Variants in EYS observed in about 807,000 individuals in gnomAD.
The protein encoded by EYS is EGF-like photoreceptor maintenance factor.
Under a neutral mutation model 282.1 loss-of-function variants are expected in EYS, and 250 were observed. The observed-to-expected ratio is 0.89, with a 90% confidence interval of 0.80 to 0.98. The LOEUF is 0.98. Ranked by LOEUF, EYS falls within the 50% of genes least tolerant of loss-of-function variation. The probability of loss-of-function intolerance (pLI) is 0.00; values close to 1 mark genes in which losing one functional copy is unlikely to be tolerated. For synonymous variants in EYS, 1,355 were observed against 1,282.9 expected (o/e 1.06, Z -1.20); for missense variants, 4,016 against 3,709.0 (o/e 1.08, Z -2.15).
chr6:65,539,853 G>A (rs1425492497), intron 2 of EYS, among the ~76,000 whole-genome samples: 1 of 152,112 alleles, frequency 6.6e-6, no homozygotes, highest in African/African-American at 2.4e-5. Flanking sequence ...CTGAAGTATA[G>A]TCCTTCAAAC....
At chr6:64,256,707 A>G (rs1319231276) in intron 30 of EYS, among the ~76,000 whole-genome samples, 1 of 152,040 alleles carries the variant, frequency 6.6e-6, no homozygotes, top group African/African-American at 2.4e-5. Flanking sequence ...TCAATAGCAA[A>G]AGTAGTAATT....
At chr6:65,387,869 T>G (rs1765860882) in intron 7 of EYS, among the ~76,000 whole-genome samples, 1 of 152,054 alleles carries the variant, frequency 6.6e-6, no homozygotes, top group Non-Finnish European at 1.5e-5. Context: ...TTCACATTTG[T>G]CTCTTTGGTT....
chr6:65,606,567 A>C (rs1907016), intron 2 of EYS, among the ~76,000 whole-genome samples: 1 of 151,644 alleles, frequency 6.6e-6, no homozygotes, highest in Admixed American at 6.6e-5. Flanking sequence ...ATTTTGGACA[A>C]TGACAATCGT....
At chr6:64,736,183 C>T (rs1772176915) in intron 22 of EYS, among the ~76,000 whole-genome samples, 1 of 152,022 alleles carries the variant, frequency 6.6e-6, no homozygotes, top group Non-Finnish European at 1.5e-5. Flanking sequence ...AAACATTCCA[C>T]ACTGGATTTG....
intron 22 of EYS, among the ~76,000 whole-genome samples, chr6:64,782,586 G>A (rs924902148): frequency 1.3e-5 from 2 of 152,028 alleles, no homozygotes; most frequent in African/African-American, 4.8e-5. Context: ...TTAAAAAACT[G>A]TTCTCTTTAA....
intron 29 of EYS, among the ~76,000 whole-genome samples, chr6:64,338,842 C>T (rs530419876): frequency 1.3e-5 from 2 of 151,870 alleles, no homozygotes; most frequent in Non-Finnish European, 2.9e-5. Context: ...TACTTACAGC[C>T]AACTGATCTT....
At chr6:64,060,930 G>A (rs1225166280) in intron 33 of EYS, among the ~76,000 whole-genome samples, 2 of 152,064 alleles carry the variant, frequency 1.3e-5, no homozygotes, top group African/African-American at 2.4e-5. Context: ...TCTTTACACC[G>A]AGCTATTAAA....
chr6:64,799,655 T>G (rs2150006755), intron 22 of EYS, among the ~76,000 whole-genome samples: 1 of 149,770 alleles, frequency 6.7e-6, no homozygotes, highest in South Asian at 2.1e-4. Flanking sequence ...TGATATATAT[T>G]ATATCTATCT....
intron 11 of EYS, among the ~76,000 whole-genome samples, chr6:65,309,888 C>G (rs1769109703): frequency 6.6e-6 from 1 of 152,210 alleles, no homozygotes. Flanking sequence ...ACATCTATTG[C>G]CTAGACAATT....
chr6:65,536,498 G>A (rs1246113696), intron 2 of EYS, among the ~76,000 whole-genome samples: 2 of 152,000 alleles, frequency 1.3e-5, no homozygotes, highest in South Asian at 2.1e-4. Context: ...AGTTATCAAG[G>A]GCTGTTTCTT....
chr6:63,935,985 T>C (rs1765045641), intron 35 of EYS, among the ~76,000 whole-genome samples: 1 of 152,242 alleles, frequency 6.6e-6, no homozygotes, highest in East Asian at 1.9e-4. Flanking sequence ...CCTTCACTTC[T>C]GAATGGTAAA....
At chr6:64,613,120 T>C (rs1424013431) in intron 24 of EYS, among the ~76,000 whole-genome samples, 1 of 152,156 alleles carries the variant, frequency 6.6e-6, no homozygotes, top group Non-Finnish European at 1.5e-5. Context: ...TATCAGCTGG[T>C]GTAGTTAGAG....
intron 30 of EYS, among the ~76,000 whole-genome samples, chr6:64,248,437 T>C (rs1270298276): frequency 6.6e-6 from 1 of 152,012 alleles, no homozygotes; most frequent in East Asian, 1.9e-4. Context: ...ACTAAGAGAA[T>C]GTTATGGGAA....
intron 33 of EYS, among the ~76,000 whole-genome samples, chr6:64,024,459 C>G (rs965331048): frequency 4.6e-5 from 7 of 152,114 alleles, no homozygotes; most frequent in Non-Finnish European, 1.0e-4. Context: ...GACCACTCGG[C>G]TCTACCAATC....
intron 31 of EYS, among the ~76,000 whole-genome samples, chr6:64,117,677 A>G (rs1490458087): frequency 6.6e-6 from 1 of 151,908 alleles, no homozygotes; most frequent in African/African-American, 2.4e-5. Context: ...TTCTTACTCA[A>G]CATAGTACTA....
intron 40 of EYS, 174 bp downstream of exon 40, chr6:63,777,832 C>A: frequency 1.6e-6 from 1 of 610,514 alleles, no homozygotes; most frequent in East Asian, 2.9e-5. Flanking sequence ...CTGTGCTGAT[C>A]CTATTTTTAG....
intron 41 of EYS, among the ~76,000 whole-genome samples, chr6:63,755,807 C>T (rs1477179153): frequency 6.6e-6 from 1 of 152,078 alleles, no homozygotes; most frequent in Non-Finnish European, 1.5e-5. Context: ...CTCTTATTTC[C>T]TTGAGCAGTG....
chr6:64,266,650 T>C (rs1235205678), intron 30 of EYS, among the ~76,000 whole-genome samples: 1 of 152,130 alleles, frequency 6.6e-6, no homozygotes, highest in Admixed American at 6.6e-5. Context: ...TTCACTTTCA[T>C]GGAGGTTAGA....
intron 29 of EYS, among the ~76,000 whole-genome samples, chr6:64,384,612 T>C (rs140267722): frequency 4.3e-4 from 65 of 152,334 alleles, no homozygotes; most frequent in African/African-American, 1.5e-3. Context: ...GGAATTAAGA[T>C]TTGGTGTCCT....
Sources: allele counts gnomAD v4.1 joint callset (sites outside exome capture counted in the v4.1 genomes callset), GRCh38; gene constraint gnomAD v4.1.1; transcripts MANE v1.5; gene names NCBI Gene and HGNC (gene_info 2026-07-23, HGNC 2026-07-21).